ELFN2: variants seen among roughly 807,000 people sequenced by gnomAD.
ELFN2 encodes protein phosphatase 1 regulatory subunit 29.
ELFN2 carries 17 observed loss-of-function variants against 45.5 expected under a neutral mutation model. The ratio of observed to expected loss-of-function variants is 0.37; its 90% CI spans 0.26 to 0.56. The LOEUF is 0.56. ELFN2 is among the 20% of genes least tolerant of loss of function. The probability of loss-of-function intolerance (pLI) is 0.77; values close to 1 mark genes in which losing one functional copy is unlikely to be tolerated. For synonymous variants in ELFN2, 550 were observed against 551.5 expected (o/e 1.00, Z 0.04); for missense variants, 922 against 1,183.2 (o/e 0.78, Z 3.24).
intron 1 of ELFN2, among the ~76,000 whole-genome samples, chr22:37,355,905 A>C (rs4821642): frequency 0.36 from 54,802 of 152,070 alleles, 10,117 homozygotes; most frequent in Middle Eastern, 0.45. Flanking sequence ...GAGAGTGTTC[A>C]GCGTCTTTTG....
downstream of ELFN2, among the ~76,000 whole-genome samples, chr22:37,365,628 C>T (rs994609944): frequency 1.3e-5 from 2 of 152,178 alleles, no homozygotes; most frequent in African/African-American, 4.8e-5. Flanking sequence ...AGAAGTGCAC[C>T]CCACTTAGAG....
In ELFN2 at chr22:37,375,071, C is replaced by T; in HGVS notation, c.464G>A (p.Ser155Asn). 6.2e-7 allele frequency: 1 copy of T among 1,613,616 alleles called. No homozygotes were observed. The highest frequency in any genetic ancestry group is 1.1e-5 in the South Asian group (1 of 91,080). The stretch of plus-strand genomic sequence containing the variant: ...GAGGCGGTTGGAGGACAGGTCGATG[C>T]TGATGAGGCTCGGGCACTCGGAGAA... ...TAFSECPSLI[S>N]IDLSSNRLSR... The change falls in exon 3 of 3, where the codon AGC becomes AAC. Residue 155 changes from serine to asparagine, a missense_variant. Physicochemically the swap from Ser to Asn is conservative, Grantham distance 46. Around this residue, in one of 2 missense-constraint regions of ELFN2, gnomAD observed 358 missense variants for 540.4 expected, o/e 0.66. Coordinates refer to ENST00000402918, the MANE Select transcript of ELFN2 (RefSeq NM_052906.5).
In ELFN2 at chr22:37,374,277, G is replaced by C. The variant is rs375922851; in HGVS notation, c.1258C>G (p.Arg420Gly). 2 of 1,613,994 alleles carry C rather than the reference G, an allele frequency of 1.2e-6. No individual in the cohort carries two copies. Among genetic ancestry groups the C allele is most frequent in the Non-Finnish European group, 1.7e-6 (2 of 1,180,034 alleles). Residue 420 changes from arginine (R) to glycine (G), a missense_variant, in exon 3 of 3, where the codon CGC becomes GGC. This residue lies in a region of ELFN2 where 564 missense variants were observed against 642.8 expected (regional missense o/e 0.88). Transcript: ENST00000402918. The stretch of plus-strand genomic sequence containing the variant: ...TTCTCCTCCTGCATGCGCCGCTTGC[G>C]CAGGCAGTAGTACACGGCTCCCAGC... ...IVLGAVYYCL[R>G]KRRMQEEKQK...
intron 1 of ELFN2, among the ~76,000 whole-genome samples, chr22:37,344,572 T>C (rs1271480074): frequency 6.6e-6 from 1 of 151,830 alleles, no homozygotes; most frequent in Non-Finnish European, 1.5e-5. Flanking sequence ...TGGGAACACA[T>C]TCCTCCCGGC....
chr22:37,420,535 G>A (rs1200099341), intron 1 of ELFN2: 1 of 152,914 alleles, frequency 6.5e-6, no homozygotes, highest in East Asian at 1.9e-4. Context: ...CAGGAAGGGA[G>A]AGGGAGGGCA....
At chr22:37,358,736 A>G (rs1340725665) in intron 1 of ELFN2, among the ~76,000 whole-genome samples, 1 of 152,232 alleles carries the variant, frequency 6.6e-6, no homozygotes, top group Non-Finnish European at 1.5e-5. Flanking sequence ...ATTATCTAAC[A>G]GATGAGGGGC....
intron 2 of ELFN2, among the ~76,000 whole-genome samples, chr22:37,401,583 A>T (rs1304762925): frequency 1.3e-5 from 2 of 152,326 alleles, no homozygotes; most frequent in East Asian, 3.9e-4. Flanking sequence ...CTCAGGAAAC[A>T]CGGCCCCAGC....
intron 1 of ELFN2, chr22:37,352,463 G>T (rs774803479): frequency 6.6e-6 from 1 of 150,954 alleles, no homozygotes; most frequent in East Asian, 1.9e-4. Context: ...TAGAAAAATA[G>T]CTCATTTCAG....
At chr22:37,406,334 T>G (rs1200327506) in intron 2 of ELFN2, among the ~76,000 whole-genome samples, 3 of 152,172 alleles carry the variant, frequency 2.0e-5, no homozygotes, top group African/African-American at 7.2e-5. Context: ...GACGAATGAC[T>G]GCATACAAGC....
chr22:37,395,016 A>C (rs573460902), intron 2 of ELFN2, among the ~76,000 whole-genome samples: 68 of 152,130 alleles, frequency 4.5e-4, no homozygotes, highest in African/African-American at 1.5e-3. Flanking sequence ...GAGGCAGGAG[A>C]ATCACTTGAA....
chr22:37,364,743 G>C (rs1047824537), downstream of ELFN2, among the ~76,000 whole-genome samples: 4 of 152,218 alleles, frequency 2.6e-5, no homozygotes, highest in African/African-American at 9.7e-5. Flanking sequence ...TGGAAGAGGG[G>C]TTGGTAGCAG....
rs79309547 is a variant in ELFN2, at chr22:37,422,357, C to T, written c.-613-4438G>A. ...CTAACCTTTAGCATGACCTTTAAGA[C>T]AACCCAGAAGGGTTAAGAATTCGTT... On this transcript the variant is annotated intron_variant, in intron 1 of 2. Transcript: ENST00000402918. Among the ~76,000 whole-genome samples the T allele has an allele frequency of 2.9e-3, 445 of 151,910 alleles. 1 individual carries two copies. Among genetic ancestry groups the T allele is most frequent in the South Asian group, 5.4e-3 (26 of 4,814 alleles).
chr22:37,366,597 G>C (rs1323191378), downstream of ELFN2, among the ~76,000 whole-genome samples: 2 of 152,258 alleles, frequency 1.3e-5, no homozygotes, highest in Non-Finnish European at 2.9e-5. Flanking sequence ...GCCCAGGGTT[G>C]GGTCCGGGGA....
rs764038571 is a variant in ELFN2 at position 37,373,396 on chromosome 22, G to A, written c.2139C>T (p.Pro713=). The change falls in exon 3 of 3, where the codon CCC becomes CCT. Residue 713 remains proline, a synonymous_variant. Coordinates refer to ENST00000402918, the MANE Select transcript of ELFN2 (RefSeq NM_052906.5). ...CGGCACCCTCCTCGTAGTACAGGGC[G>A]GGAAAGCTGTGCCGGTGCTCGCTGC... ...YHCSEHRHSF[P]ALYYEEGADS... The A allele has an allele frequency of 1.2e-5, 19 of 1,604,690 alleles. No homozygotes were observed. Among genetic ancestry groups the A allele is most frequent in the South Asian group, 4.4e-5 (4 of 90,126 alleles).
rs550178745 is a variant in ELFN2, at chr22:37,375,247, G to A, written c.288C>T (p.Asp96=). The A allele has an allele frequency of 2.5e-5, 40 of 1,614,146 alleles. No individual in the cohort carries two copies. Among genetic ancestry groups the A allele is most frequent in the African/African-American group, 6.7e-5 (5 of 75,026 alleles). The part of the protein sequence containing the change: ...LTKNEISYIE[D]GAFLGQSSLQ... Reference sequence around the variant, plus strand: ...GGCTCGACTGGCCCAGGAAGGCACCGTCCTCGATGTAGGAGATCTCGTTCT... The same window carrying A: ...GGCTCGACTGGCCCAGGAAGGCACCATCCTCGATGTAGGAGATCTCGTTCT... The change falls in exon 3 of 3, where the codon GAC becomes GAT. Residue 96 remains aspartate, a synonymous_variant. Transcript: ENST00000402918.
At position 37,374,753 on chromosome 22, in the gene ELFN2, T is replaced by C. The variant is rs1347299795; in HGVS notation, c.782A>G (p.Tyr261Cys). The C allele has an allele frequency of 6.2e-7, 1 of 1,609,616 alleles. No homozygotes were observed. The highest frequency in any genetic ancestry group is 1.3e-5 in the African/African-American group (1 of 74,596). ...PARPVSHPTP[Y>C]STDAQREPDE... ...TGGCTCCCTCTGGGCGTCGGTGGAG[T>C]AGGGCGTGGGGTGGCTCACGGGCCG... The change falls in exon 3 of 3, where the codon TAC (tyrosine) becomes TGC (cysteine). Residue 261 changes from tyrosine to cysteine, a missense_variant. Tyr to Cys is a radical substitution (Grantham distance 194). Transcript: ENST00000402918.
At position 37,373,806 on chromosome 22, in the gene ELFN2, C is replaced by T. The variant is rs1342307312; in HGVS notation, c.1729G>A (p.Glu577Lys). 2.5e-6 allele frequency: 4 copies of T among 1,611,964 alleles called. No individual in the cohort carries two copies. Among genetic ancestry groups the T allele is most frequent in the African/African-American group, 2.7e-5 (2 of 75,046 alleles). The change falls in exon 3 of 3, where the codon GAG (glutamate) becomes AAG (lysine). Residue 577 changes from glutamate (E) to lysine (K), a missense_variant. Glu to Lys is a moderately conservative substitution (Grantham distance 56). This residue lies in a region of ELFN2 where 564 missense variants were observed against 642.8 expected (regional missense o/e 0.88). Transcript: ENST00000402918. ...SSSGDPELAF[E>K]CQSLPAAAAA... ...GCAGCTGCAGGGAGGGACTGGCACT[C>T]GAAGGCCAGCTCGGGGTCCCCACTG...
intron 2 of ELFN2, among the ~76,000 whole-genome samples, chr22:37,401,442 G>A (rs1932358804): frequency 6.6e-6 from 1 of 152,096 alleles, no homozygotes; most frequent in South Asian, 2.1e-4. Flanking sequence ...GAGGAGGCTT[G>A]GAACAGTTTC....
At position 37,386,900 on chromosome 22, in the gene ELFN2, C is replaced by T. The variant is rs188509807; in HGVS notation, c.-462-10904G>A. On this transcript the variant is annotated intron_variant, in intron 2 of 2. Transcript: ENST00000402918. ...CCGTGGTCCTGGCAAGCTAATCTGT[C>T]CTGGGTCTCGGTTTCCTCTTCTGTA... 1.4e-3 allele frequency among the ~76,000 whole-genome samples: 220 copies of T among 152,352 alleles called. 1 individual carries two copies. Among genetic ancestry groups the T allele is most frequent in the African/African-American group, 5.1e-3 (213 of 41,586 alleles).
Sources: allele counts gnomAD v4.1 joint callset (sites outside exome capture counted in the v4.1 genomes callset), GRCh38; gene constraint gnomAD v4.1.1; regional missense constraint gnomAD v4.1.1; transcripts MANE v1.5; gene names NCBI Gene and HGNC (gene_info 2026-07-23, HGNC 2026-07-21).